Variants in NUFIP2 observed in about 807,000 individuals in gnomAD.
NUFIP2 encodes the protein FMR1-interacting protein NUFIP2.
A neutral mutation model predicts 56.9 loss-of-function variants in NUFIP2; 6 were observed. That is an observed-to-expected ratio of 0.11 (90% confidence interval 0.06 to 0.21). The LOEUF is 0.21. NUFIP2 is among the 10% of genes least tolerant of loss of function. The pLI is 1.00. For missense variants in NUFIP2, 828 were observed against 826.8 expected (o/e 1.00, Z -0.02); for synonymous variants, 321 against 298.2 (o/e 1.08, Z -0.79).
At chr17:29,285,337 T>A (rs2069166289) in intron 2 of NUFIP2, among the ~76,000 whole-genome samples, 1 of 151,556 alleles carries the variant, frequency 6.6e-6, no homozygotes, top group Admixed American at 6.6e-5. Context: ...GGCTCACACC[T>A]GTAATCCCAG....
Position 29,286,651 on chromosome 17 carries a change from G to A in NUFIP2, c.1343C>T (p.Ser448Phe). The change falls in exon 2 of 4, where the codon TCT becomes TTT. Residue 448 changes from serine to phenylalanine, a missense_variant. By Grantham distance (155) the Ser-to-Phe change is radical. Coordinates refer to ENST00000225388, the MANE Select transcript of NUFIP2 (RefSeq NM_020772.3). ...TAANTLTPIS[S>F]GTDSVLQDMS... ...GTCCTGGAGAACTGAATCTGTCCCA[G>A]AAGAGATGGGTGTTAGAGTATTAGC... The A allele has an allele frequency of 6.2e-7, 1 of 1,614,158 alleles. No homozygotes were observed. Among genetic ancestry groups the A allele is most frequent in the Non-Finnish European group, 8.5e-7 (1 of 1,180,024 alleles).
rs66700326 is a variant in NUFIP2, at chr17:29,284,706, C to CAAAAAAAA, written c.2002+1278_2002+1285dup. ...GGGTGACAAGAGTAAGACTCCATCT[C>CAAAAAAAA]AAAAAAAAAAAAAAAAAAAAAGAAA... On this transcript the variant is annotated intron_variant, in intron 2 of 3. Transcript: ENST00000225388. Among the ~76,000 whole-genome samples the CAAAAAAAA allele has an allele frequency of 3.0e-4, 16 of 53,574 alleles. 1 individual carries two copies. Among genetic ancestry groups the CAAAAAAAA allele is most frequent in the East Asian group, 1.6e-3 (3 of 1,910 alleles). 35.1% of individuals were successfully genotyped at this position (53,574 alleles called of 152,430 possible).
At chr17:29,291,112 A>G (rs2069210605) in intron 1 of NUFIP2, among the ~76,000 whole-genome samples, 1 of 151,844 alleles carries the variant, frequency 6.6e-6, no homozygotes, top group East Asian at 1.9e-4. Context: ...TGTGATATGT[A>G]TGAAGTATGC....
chr17:29,263,268 A>T lies in NUFIP2; in HGVS notation c.*1271T>A, dbSNP rs1266566218. ...AGTGCAACAGGATGGCAATGTAATG[A>T]TAAGACAGGGCTAATGCTCTTCTCT... On this transcript the variant is annotated 3_prime_UTR_variant, in exon 4 of 4. Coordinates refer to ENST00000225388, the MANE Select transcript of NUFIP2 (RefSeq NM_020772.3). 2.6e-5 allele frequency: 4 copies of T among 152,626 alleles called. No individual in the cohort carries two copies. Among genetic ancestry groups the T allele is most frequent in the Non-Finnish European group, 5.9e-5 (4 of 68,032 alleles). 9.5% of individuals were successfully genotyped at this position (152,626 alleles called of 1,614,324 possible). A position where few individuals can be genotyped will look rare whatever the true frequency, so the allele number is the denominator to read the frequency against.
intron 2 of NUFIP2, among the ~76,000 whole-genome samples, chr17:29,276,242 T>C (rs1457745786): frequency 6.6e-6 from 1 of 152,108 alleles, no homozygotes; most frequent in Non-Finnish European, 1.5e-5. Context: ...ACAAACTGAA[T>C]GGCTGGCAAT....
At position 29,291,463 on chromosome 17, in the gene NUFIP2, G is replaced by C. The variant is rs1567683040; in HGVS notation, c.277+2320C>G. Among the ~76,000 whole-genome samples, 6 of 152,316 alleles carry C rather than the reference G, an allele frequency of 3.9e-5. No homozygotes were observed. The South Asian group carries it at 1.2e-3, about 32-fold the overall frequency. On this transcript the variant is annotated intron_variant, in intron 1 of 3. Transcript: ENST00000225388. Reference sequence around the variant, plus strand: ...TTTCTTAGTTATTAGCATTATGCATGTCAAAGCAACAGTACTGTGACCAAA... The same window carrying C: ...TTTCTTAGTTATTAGCATTATGCATCTCAAAGCAACAGTACTGTGACCAAA...
At chr17:29,264,936 C>T (rs1567675123) in intron 3 of NUFIP2, among the ~76,000 whole-genome samples, 1 of 152,184 alleles carries the variant, frequency 6.6e-6, no homozygotes, top group South Asian at 2.1e-4. Context: ...AAGCTTGTCA[C>T]CAATAATCCA....
intron 1 of NUFIP2, 122 bp from the exon 2 acceptor site, chr17:29,287,838 TTA>T: frequency 1.0e-6 from 1 of 970,172 alleles, no homozygotes. Context: ...TAGCTTTATA[TTA>T]TTTCACATCT....
At position 29,287,391 on chromosome 17, in the gene NUFIP2, A is replaced by G. The variant is rs775436369; in HGVS notation, c.603T>C (p.Gly201=). ...VTNNSGYITN[G]YMGKGADNDG... is the part of the protein sequence containing the mutation. ...CATTATCTGCTCCTTTACCCATATA[A>G]CCATTAGTAATATAACCAGAATTAT... The change falls in exon 2 of 4, where the codon GGT becomes GGC. Residue 201 remains glycine (G), a synonymous_variant. Transcript: ENST00000225388. 1 of 1,613,958 alleles carries G rather than the reference A, an allele frequency of 6.2e-7. No individual in the cohort carries two copies. The highest frequency in any genetic ancestry group is 8.5e-7 in the Non-Finnish European group (1 of 1,179,910).
chr17:29,290,081 C>T (rs965897678), intron 1 of NUFIP2, among the ~76,000 whole-genome samples: 4 of 151,990 alleles, frequency 2.6e-5, no homozygotes, highest in East Asian at 2.0e-4. Context: ...TGCCCAGTTC[C>T]GCCACGTTGG....
At chr17:29,275,363 C>T (rs951325126) in intron 2 of NUFIP2, among the ~76,000 whole-genome samples, 2 of 152,048 alleles carry the variant, frequency 1.3e-5, no homozygotes, top group African/African-American at 4.8e-5. Context: ...AGTAACAGAA[C>T]TGGACAAGAT....
chr17:29,280,475 C>A (rs897314664), intron 2 of NUFIP2, among the ~76,000 whole-genome samples: 2 of 152,100 alleles, frequency 1.3e-5, no homozygotes, highest in Non-Finnish European at 2.9e-5. Context: ...GCCTGTAATC[C>A]CAATACTTAA....
intron 2 of NUFIP2, among the ~76,000 whole-genome samples, chr17:29,284,722 A>G (rs180869446): frequency 4.5e-4 from 68 of 150,760 alleles, no homozygotes; most frequent in South Asian, 2.1e-3. Flanking sequence ...AAAAAAAAAA[A>G]AAAAAGAAAA....
At chr17:29,290,665 AAAGAAAG>A (rs997580906) in intron 1 of NUFIP2, among the ~76,000 whole-genome samples, 28 of 90,072 alleles carry the variant, frequency 3.1e-4, no homozygotes, top group East Asian at 1.7e-3. Flanking sequence ...AAAAAAAAAA[AAAGAAAG>A]AAAGAAAGAA....
rs200932984 is a variant in NUFIP2, at chr17:29,293,849, T to C, written c.211A>G (p.Lys71Glu). The C allele has an allele frequency of 1.9e-6, 3 of 1,611,134 alleles. No individual in the cohort carries two copies. The highest frequency in any genetic ancestry group is 2.5e-6 in the Non-Finnish European group (3 of 1,177,836). ...GAEGSPKAQPKPLKHEQKHTL... is the reference protein window; with the variant it reads ...GAEGSPKAQPEPLKHEQKHTL... ...TGTTTCTGCTCATGTTTCAGCGGCTTTGGCTGGGCCTTGGGGCTGCCCTCG... is the reference window on the plus strand; with the variant it reads ...TGTTTCTGCTCATGTTTCAGCGGCTCTGGCTGGGCCTTGGGGCTGCCCTCG... Residue 71 changes from lysine to glutamate, a missense_variant, in exon 1 of 4, where the codon AAG becomes GAG. Coordinates refer to ENST00000225388, the MANE Select transcript of NUFIP2 (RefSeq NM_020772.3).
In NUFIP2 at chr17:29,264,159, G is replaced by A. The variant is rs2069020190; in HGVS notation, c.*380C>T. Reference sequence around the variant, plus strand: ...TTTAAGTGGATTTGCCTTTCCAGTGGGTCATTTGTTGCCCAAGTTGATGAC... The same window carrying A: ...TTTAAGTGGATTTGCCTTTCCAGTGAGTCATTTGTTGCCCAAGTTGATGAC... On this transcript the variant is annotated 3_prime_UTR_variant, in exon 4 of 4. Transcript: ENST00000225388. 1 of 152,452 alleles carries A rather than the reference G, an allele frequency of 6.6e-6. No individual in the cohort carries two copies. Among genetic ancestry groups the A allele is most frequent in the Non-Finnish European group, 1.5e-5 (1 of 68,090 alleles). The allele number at this position is 152,452 out of a possible 1,614,324, so 9.4% of individuals were successfully genotyped here.
rs1475976300 is a variant in NUFIP2, at chr17:29,286,485, G to A, written c.1509C>T (p.Phe503=). Residue 503 remains phenylalanine (F), a synonymous_variant, in exon 2 of 4, where the codon TTC becomes TTT. Coordinates refer to ENST00000225388, the MANE Select transcript of NUFIP2 (RefSeq NM_020772.3). The stretch of plus-strand genomic sequence containing the variant: ...TAAATGATAAACCCCACTGATTCTG[G>A]AAGATATCCCCCAGGTTTTGCTGAT... ...QTDQQNLGDI[F]QNQWGLSFIN... 1 of 1,614,086 alleles carries A rather than the reference G, an allele frequency of 6.2e-7. No homozygotes were observed. The highest frequency in any genetic ancestry group is 8.5e-7 in the Non-Finnish European group (1 of 1,180,060).
chr17:29,260,524 G>T lies in NUFIP2; in HGVS notation c.*4015C>A, dbSNP rs1159714791. ...TACAGTGGAATTAAAATTGAGTAAA[G>T]TCCATTTCCAATAGCCATTTGATAC... On this transcript the variant is annotated 3_prime_UTR_variant, in exon 4 of 4. Transcript: ENST00000225388. The T allele has an allele frequency of 6.6e-6, 1 of 152,140 alleles. No individual in the cohort carries two copies. Among genetic ancestry groups the T allele is most frequent in the Non-Finnish European group, 1.5e-5 (1 of 68,026 alleles). 9.4% of individuals were successfully genotyped at this position (152,140 alleles called of 1,614,324 possible).
chr17:29,280,086 G>A (rs2069131401), intron 2 of NUFIP2, among the ~76,000 whole-genome samples: 2 of 152,164 alleles, frequency 1.3e-5, no homozygotes, highest in South Asian at 2.1e-4. Flanking sequence ...CCAACGTGCT[G>A]GGATTACAAG....
Sources: allele counts gnomAD v4.1 joint callset (sites outside exome capture counted in the v4.1 genomes callset), GRCh38; gene constraint gnomAD v4.1.1; transcripts MANE v1.5; gene names NCBI Gene and HGNC (gene_info 2026-07-23, HGNC 2026-07-21).